ZDHHC2: variants seen among roughly 807,000 people sequenced by gnomAD.
ZDHHC2 encodes the protein palmitoyltransferase ZDHHC2.
ZDHHC2 carries 51 observed loss-of-function variants against 55.6 expected under a neutral mutation model. The ratio of observed to expected loss-of-function variants is 0.92; its 90% confidence interval spans 0.73 to 1.16. ZDHHC2 has a LOEUF of 1.16. ZDHHC2 is among the 50% of genes most tolerant of loss of function. ZDHHC2 has a pLI of 0.00. For synonymous variants in ZDHHC2, 199 were observed against 152.9 expected, an observed-to-expected ratio of 1.30 and a Z score of -2.22; for missense variants, 491 against 442.4, an observed-to-expected ratio of 1.11 and a Z score of -0.99.
intron 11 of ZDHHC2, among the ~76,000 whole-genome samples, chr8:17,215,642 A>T (rs1391890826): frequency 2.0e-5 from 3 of 152,214 alleles, no homozygotes; most frequent in Non-Finnish European, 4.4e-5. Flanking sequence ...CAAAATATAA[A>T]GTATAAAAAT....
chr8:17,184,357 G>C (rs117801932), intron 1 of ZDHHC2, among the ~76,000 whole-genome samples: 3,224 of 152,270 alleles, frequency 0.021, 55 homozygotes, highest in Non-Finnish European at 0.033. Context: ...TGTGTGCTGT[G>C]GACACATTTT....
chr8:17,162,792 G>C (rs1804412827), intron 1 of ZDHHC2: 1 of 152,164 alleles, frequency 6.6e-6, no homozygotes, highest in Non-Finnish European at 1.5e-5. Flanking sequence ...AGCAGAAATG[G>C]AAAGCAAAAC....
At chr8:17,219,987 G>A (rs1807842692) in intron 12 of ZDHHC2, among the ~76,000 whole-genome samples, 1 of 152,016 alleles carries the variant, frequency 6.6e-6, no homozygotes, top group African/African-American at 2.4e-5. Flanking sequence ...TAATAGAAAT[G>A]CAGAATCTTA....
intron 1 of ZDHHC2, among the ~76,000 whole-genome samples, chr8:17,164,986 G>C (rs951460916): frequency 6.6e-6 from 1 of 152,208 alleles, no homozygotes; most frequent in African/African-American, 2.4e-5. Flanking sequence ...TCAAAGAGCT[G>C]AATCAAGGTA....
chr8:17,211,995 G>T (rs986771417), intron 10 of ZDHHC2, among the ~76,000 whole-genome samples: 1 of 151,798 alleles, frequency 6.6e-6, no homozygotes, highest in African/African-American at 2.4e-5. Context: ...AAATCATTTT[G>T]GTTTTAGAGA....
At chr8:17,158,799 A>T (rs1037138622) in intron 1 of ZDHHC2, among the ~76,000 whole-genome samples, 1 of 148,618 alleles carries the variant, frequency 6.7e-6, no homozygotes, top group African/African-American at 2.6e-5. Context: ...GCCTGGCGCA[A>T]TGCCTGTCTG....
intron 9 of ZDHHC2, 94 bp from the exon 10 acceptor site, chr8:17,210,294 T>C: frequency 1.5e-6 from 2 of 1,296,990 alleles, no homozygotes; most frequent in Admixed American, 2.3e-5. Context: ...GCCTAGAGTA[T>C]AGCATGTTCT....
At chr8:17,176,881 GTAGA>G (rs1325564360) in intron 1 of ZDHHC2, among the ~76,000 whole-genome samples, 14 of 152,188 alleles carry the variant, frequency 9.2e-5, no homozygotes, top group African/African-American at 1.4e-4. Context: ...AAATATATAA[GTAGA>G]TAGGTTATAA....
chr8:17,156,747 C>T lies in ZDHHC2; in HGVS notation c.24C>T (p.Ser8=), dbSNP rs1265638976. 1 of 1,495,982 alleles carries T rather than the reference C, an allele frequency of 6.7e-7. No individual in the cohort carries two copies. Among genetic ancestry groups the T allele is most frequent in the African/African-American group, 1.5e-5 (1 of 68,478 alleles). 92.7% of individuals were successfully genotyped at this position (1,495,982 alleles called of 1,614,324 possible). A position where few individuals can be genotyped will look rare whatever the true frequency, so the allele number is the denominator to read the frequency against. The change falls in exon 1 of 13, where the codon AGC becomes AGT. Residue 8 remains serine, a synonymous_variant. Transcript: ENST00000262096. MAPSGPG[S]SARRRCRRVL... is the part of the protein sequence containing the mutation. ...AGATGGCGCCCTCGGGCCCGGGCAG[C>T]AGCGCCAGGCGGCGGTGCCGGCGGG... is the stretch of plus-strand genomic sequence containing the variant.
intron 3 of ZDHHC2, among the ~76,000 whole-genome samples, chr8:17,194,477 A>G (rs11785780): frequency 0.021 from 3,244 of 151,712 alleles, 53 homozygotes; most frequent in Non-Finnish European, 0.033. Context: ...TCTGCTGTGC[A>G]TCTCCCAGCT....
rs1451089461 is a variant in ZDHHC2, at chr8:17,170,956, A to G, written c.131-13833A>G. Among the ~76,000 whole-genome samples the G allele has an allele frequency of 2.0e-5, 3 of 152,350 alleles. No homozygotes were observed. In the South Asian group the frequency reaches 6.2e-4, roughly 32 times the overall value. ...AATTCTAAAATTTTGGTTCTGACTAATAAGGGGAGTATTTCAGGACATAAA... is the reference window on the plus strand; with the variant it reads ...AATTCTAAAATTTTGGTTCTGACTAGTAAGGGGAGTATTTCAGGACATAAA... On this transcript the variant is annotated intron_variant, in intron 1 of 12. Transcript: ENST00000262096.
chr8:17,191,213 G>T (rs999664976), intron 3 of ZDHHC2, among the ~76,000 whole-genome samples: 5 of 151,640 alleles, frequency 3.3e-5, no homozygotes, highest in African/African-American at 1.2e-4. Context: ...GCCCACCTCA[G>T]CCTCCCAAAC....
At position 17,173,251 on chromosome 8, in the gene ZDHHC2, T is replaced by A. The variant is rs1352138809; in HGVS notation, c.131-11538T>A. Reference sequence around the variant, plus strand: ...AGTTTTGGGGCCAAACAGGCCTATATGTAGATCCCATCATGACTTGGATGA... The same window carrying A: ...AGTTTTGGGGCCAAACAGGCCTATAAGTAGATCCCATCATGACTTGGATGA... On this transcript the variant is annotated intron_variant, in intron 1 of 12. Transcript: ENST00000262096. Among the ~76,000 whole-genome samples the A allele has an allele frequency of 3.3e-5, 5 of 152,208 alleles. No homozygotes were observed. In the East Asian group the frequency reaches 9.7e-4, roughly 29 times the overall value.
chr8:17,164,580 A>C (rs543007788), intron 1 of ZDHHC2, among the ~76,000 whole-genome samples: 60 of 152,210 alleles, frequency 3.9e-4, no homozygotes, highest in African/African-American at 1.2e-3. Context: ...TCATCAGCAA[A>C]ATATACACTA....
At chr8:17,199,994 A>G (rs1048778512) in intron 6 of ZDHHC2, among the ~76,000 whole-genome samples, 1 of 151,772 alleles carries the variant, frequency 6.6e-6, no homozygotes, top group African/African-American at 2.4e-5. Context: ...TGACCTTGTG[A>G]TCCGCCCGCC....
At chr8:17,204,081 C>G (rs1806968135) in intron 6 of ZDHHC2, among the ~76,000 whole-genome samples, 1 of 152,240 alleles carries the variant, frequency 6.6e-6, no homozygotes, top group Non-Finnish European at 1.5e-5. Flanking sequence ...GCTGGGATTA[C>G]AGGTGTGAGC....
chr8:17,200,705 T>C (rs1806715808), intron 6 of ZDHHC2, among the ~76,000 whole-genome samples: 1 of 152,252 alleles, frequency 6.6e-6, no homozygotes, highest in Non-Finnish European at 1.5e-5. Flanking sequence ...TACAGTCTGA[T>C]AGCCTTTACA....
chr8:17,212,272 T>C (rs1370714157), intron 10 of ZDHHC2, among the ~76,000 whole-genome samples: 1 of 152,168 alleles, frequency 6.6e-6, no homozygotes, highest in Non-Finnish European at 1.5e-5. Context: ...TGCTGTCTAC[T>C]TGACACACCC....
intron 1 of ZDHHC2, 90 bp from the exon 2 acceptor site, chr8:17,184,699 A>G (rs1166912477): frequency 1.9e-5 from 20 of 1,074,924 alleles, no homozygotes; most frequent in Middle Eastern, 2.0e-4. Flanking sequence ...GGGAAGCCAC[A>G]TTATTAAGCT....
Sources: gnomAD v4.1 joint callset for allele counts (sites outside exome capture counted in the v4.1 genomes callset) on GRCh38, gnomAD v4.1.1 for gene constraint, MANE v1.5 for transcripts, NCBI Gene and HGNC (gene_info 2026-07-23, HGNC 2026-07-21) for gene names.